The following PKNOX2 variants were observed in gnomAD, a reference collection of about 807,000 sequenced individuals.
The protein encoded by PKNOX2 is homeobox protein PKNOX2.
PKNOX2 carries 14 observed loss-of-function variants against 53.1 expected under a neutral mutation model. The observed-to-expected ratio is 0.26, with a 90% CI of 0.17 to 0.41. The LOEUF is 0.41. Ranked by LOEUF, PKNOX2 falls within the 10% of genes least tolerant of loss-of-function variation. PKNOX2 has a pLI of 1.00. For missense variants in PKNOX2, 496 were observed against 602.8 expected (o/e 0.82, Z 1.85); for synonymous variants, 257 against 242.8 (o/e 1.06, Z -0.54).
At chr11:125,291,241 C>T (rs1287369134) in intron 2 of PKNOX2, among the ~76,000 whole-genome samples, 1 of 152,180 alleles carries the variant, frequency 6.6e-6, no homozygotes, top group Admixed American at 6.5e-5. Flanking sequence ...TCAGTGCTCC[C>T]CATGCTGCAG....
intron 2 of PKNOX2, among the ~76,000 whole-genome samples, chr11:125,297,096 G>A (rs780991613): frequency 1.3e-5 from 2 of 152,206 alleles, no homozygotes; most frequent in Non-Finnish European, 2.9e-5. Flanking sequence ...TTTACAGGAC[G>A]CTTACATGCT....
At chr11:125,211,292 A>G (rs1032813944) in intron 1 of PKNOX2, among the ~76,000 whole-genome samples, 2 of 152,256 alleles carry the variant, frequency 1.3e-5, no homozygotes, top group Admixed American at 1.3e-4. Context: ...ATTACCTGGA[A>G]GAGAGAGAAG....
intron 2 of PKNOX2, among the ~76,000 whole-genome samples, chr11:125,265,826 G>A (rs763051346): frequency 6.6e-6 from 1 of 152,170 alleles, no homozygotes; most frequent in Non-Finnish European, 1.5e-5. Flanking sequence ...GGATCCTGAA[G>A]GGGGGAGCTT....
intron 3 of PKNOX2, among the ~76,000 whole-genome samples, chr11:125,349,836 A>ATCAC (rs1263476356): frequency 3.4e-5 from 3 of 88,784 alleles, no homozygotes; most frequent in Non-Finnish European, 4.9e-5. Flanking sequence ...AACCAAAAGA[A>ATCAC]TCACACACAC....
chr11:125,412,065 A>C (rs917271432), intron 10 of PKNOX2, among the ~76,000 whole-genome samples, 200 bp downstream of exon 10: 3 of 152,146 alleles, frequency 2.0e-5, no homozygotes, highest in African/African-American at 7.2e-5. Context: ...CTTCTCCAGT[A>C]CCTGCTGCTG....
chr11:125,311,722 A>G (rs1948820948), intron 2 of PKNOX2, among the ~76,000 whole-genome samples: 1 of 152,038 alleles, frequency 6.6e-6, no homozygotes, highest in African/African-American at 2.4e-5. Flanking sequence ...AGCCTCGAAC[A>G]CTCATGTCAA....
At chr11:125,170,754 T>C (rs1955239127) in intron 1 of PKNOX2, among the ~76,000 whole-genome samples, 1 of 152,000 alleles carries the variant, frequency 6.6e-6, no homozygotes. Context: ...ACTGAAGCAA[T>C]GAAGATTAGA....
intron 1 of PKNOX2, among the ~76,000 whole-genome samples, chr11:125,210,112 A>G (rs1939646769): frequency 6.6e-6 from 1 of 152,092 alleles, no homozygotes; most frequent in Non-Finnish European, 1.5e-5. Flanking sequence ...CTCTGGCTGG[A>G]GAATAGAAGG....
chr11:125,200,917 T>C (rs938549768), intron 1 of PKNOX2, among the ~76,000 whole-genome samples: 1 of 152,230 alleles, frequency 6.6e-6, no homozygotes, highest in African/African-American at 2.4e-5. Flanking sequence ...GTGATCCTCA[T>C]GGGCAGGGGG....
At chr11:125,245,090 G>C (rs1943456710) in intron 2 of PKNOX2, among the ~76,000 whole-genome samples, 1 of 152,116 alleles carries the variant, frequency 6.6e-6, no homozygotes, top group Non-Finnish European at 1.5e-5. Context: ...GACCCATCTG[G>C]GACTCTCCCT....
intron 10 of PKNOX2, among the ~76,000 whole-genome samples, chr11:125,423,790 G>A (rs1025154184): frequency 6.6e-6 from 1 of 152,152 alleles, no homozygotes; most frequent in Non-Finnish European, 1.5e-5. Flanking sequence ...GGATGGGGAT[G>A]GGGAGGAGGT....
chr11:125,415,780 T>A (rs1178247495), intron 10 of PKNOX2, among the ~76,000 whole-genome samples: 3 of 152,214 alleles, frequency 2.0e-5, no homozygotes, highest in Non-Finnish European at 4.4e-5. Context: ...CCATCGATGT[T>A]CTCACATCCA....
chr11:125,173,771 A>AC (rs35773050), intron 1 of PKNOX2, among the ~76,000 whole-genome samples: 1 of 152,082 alleles, frequency 6.6e-6, no homozygotes, highest in Non-Finnish European at 1.5e-5. Context: ...TGTAAGCTGG[A>AC]CCCCTGGGTG....
chr11:125,375,622 A>C (rs1172375577), intron 5 of PKNOX2, among the ~76,000 whole-genome samples: 1 of 152,230 alleles, frequency 6.6e-6, no homozygotes, highest in Admixed American at 6.5e-5. Flanking sequence ...CAATAAGCAC[A>C]TATAAGAGCA....
chr11:125,169,206 T>TG (rs1955106664), intron 1 of PKNOX2, among the ~76,000 whole-genome samples: 1 of 152,156 alleles, frequency 6.6e-6, no homozygotes, highest in Non-Finnish European at 1.5e-5. Flanking sequence ...GAGGAAAAAC[T>TG]GAGGAAGTTC....
chr11:125,174,216 G>A (rs979825940), intron 1 of PKNOX2, among the ~76,000 whole-genome samples: 6 of 152,152 alleles, frequency 3.9e-5, no homozygotes, highest in African/African-American at 7.2e-5. Context: ...GCCCAGGGGC[G>A]ACAGGTGCTT....
intron 2 of PKNOX2, among the ~76,000 whole-genome samples, chr11:125,326,114 G>T (rs60237687): frequency 0.018 from 2,684 of 152,284 alleles, 83 homozygotes; most frequent in African/African-American, 0.061. Context: ...AGGAATAAGA[G>T]AAATATGAAA....
chr11:125,200,254 G>C (rs1020963085), intron 1 of PKNOX2, among the ~76,000 whole-genome samples: 4 of 152,222 alleles, frequency 2.6e-5, no homozygotes, highest in Non-Finnish European at 4.4e-5. Flanking sequence ...GGGATGAGCA[G>C]AGAGTCCCTC....
rs1329807272 is a variant in PKNOX2 at position 125,257,062 on chromosome 11, T to C, written c.-130+21947T>C. Reference sequence around the variant, plus strand: ...CTTGTTTGTACCACATTCTTCATTATGCTTCAGTTACAATTTTAATTTTAC... The same window carrying C: ...CTTGTTTGTACCACATTCTTCATTACGCTTCAGTTACAATTTTAATTTTAC... On this transcript the variant is annotated intron_variant, in intron 2 of 12. Coordinates refer to ENST00000298282, the MANE Select transcript of PKNOX2 (RefSeq NM_001382323.2). Among the ~76,000 whole-genome samples the C allele has an allele frequency of 2.6e-5, 4 of 152,268 alleles. No homozygotes were observed. The South Asian group carries it at 6.2e-4, about 24-fold the overall frequency.
Sources: allele counts gnomAD v4.1 joint callset (sites outside exome capture counted in the v4.1 genomes callset), GRCh38; gene constraint gnomAD v4.1.1; transcripts MANE v1.5; gene names NCBI Gene and HGNC (gene_info 2026-07-23, HGNC 2026-07-21).